POU6F2: variants seen among roughly 807,000 people sequenced by gnomAD.
POU6F2 encodes the protein POU class 6 homeobox 2, also known as POU domain, class 6, transcription factor 2.
In POU6F2, 31 loss-of-function variants were observed where a neutral mutation model predicts 71.3. The observed-to-expected ratio is 0.43, with a 90% CI of 0.33 to 0.59. The LOEUF (loss-of-function observed/expected upper bound fraction) is 0.59. Among genes scored for constraint, POU6F2 ranks in the 20% least tolerant of loss-of-function variants. The pLI is 0.04. For synonymous variants in POU6F2, 347 were observed against 355.7 expected, an observed-to-expected ratio of 0.98 and a Z score of 0.27; for missense variants, 783 against 856.8, an observed-to-expected ratio of 0.91 and a Z score of 1.07.
chr7:39,086,625 C>T (rs1791250909), intron 2 of POU6F2, among the ~76,000 whole-genome samples: 1 of 152,054 alleles, frequency 6.6e-6, no homozygotes, highest in African/African-American at 2.4e-5. Context: ...CCTCCTCTAC[C>T]CCTCTCCTTT....
chr7:39,120,358 G>C (rs1045724478), intron 2 of POU6F2, among the ~76,000 whole-genome samples: 1 of 152,032 alleles, frequency 6.6e-6, no homozygotes. Context: ...ATTATTTAAA[G>C]CACAGGAATA....
intron 4 of POU6F2, among the ~76,000 whole-genome samples, chr7:39,236,435 G>T (rs1794678586): frequency 6.6e-6 from 1 of 151,760 alleles, no homozygotes; most frequent in South Asian, 2.1e-4. Flanking sequence ...TCTCATCTTT[G>T]TGGTTTGAAA....
chr7:39,047,470 T>G (rs1204010589), intron 1 of POU6F2, among the ~76,000 whole-genome samples: 1 of 151,918 alleles, frequency 6.6e-6, no homozygotes, highest in Non-Finnish European at 1.5e-5. Context: ...TATGTTACTA[T>G]TGTGAATGGA....
intron 5 of POU6F2, among the ~76,000 whole-genome samples, chr7:39,350,500 T>G (rs1195161544): frequency 6.6e-6 from 1 of 152,172 alleles, no homozygotes; most frequent in East Asian, 1.9e-4. Flanking sequence ...CTTAGAGCAG[T>G]TCTCACCTCC....
intron 4 of POU6F2, among the ~76,000 whole-genome samples, chr7:39,276,967 G>C (rs1483998269): frequency 6.6e-6 from 1 of 151,736 alleles, no homozygotes; most frequent in Non-Finnish European, 1.5e-5. Context: ...ACGAGTTAAT[G>C]GGTGCAGCAC....
At chr7:39,007,415 T>C (rs1789105093) in intron 1 of POU6F2, among the ~76,000 whole-genome samples, 1 of 152,198 alleles carries the variant, frequency 6.6e-6, no homozygotes, top group African/African-American at 2.4e-5. Context: ...GTGGAATGTA[T>C]TCTGTCTTGA....
intron 7 of POU6F2, among the ~76,000 whole-genome samples, chr7:39,445,371 A>G (rs928419847): frequency 6.6e-6 from 1 of 152,202 alleles, no homozygotes; most frequent in Non-Finnish European, 1.5e-5. Context: ...CCTTCCAGTC[A>G]TGTATCTGGA....
At chr7:39,170,923 AT>A (rs1434572528) in intron 2 of POU6F2, among the ~76,000 whole-genome samples, 1 of 151,954 alleles carries the variant, frequency 6.6e-6, no homozygotes, top group African/African-American at 2.4e-5. Flanking sequence ...ACAAAAAAAA[AT>A]CACATGTAAC....
intron 5 of POU6F2, among the ~76,000 whole-genome samples, chr7:39,352,645 T>C (rs1386541397): frequency 1.3e-5 from 2 of 152,182 alleles, no homozygotes; most frequent in South Asian, 2.1e-4. Flanking sequence ...TCCAGTGATA[T>C]GTTTGTTTTC....
At chr7:39,015,972 A>G (rs1455076720) in intron 1 of POU6F2, among the ~76,000 whole-genome samples, 6 of 82,244 alleles carry the variant, frequency 7.3e-5, no homozygotes, top group African/African-American at 1.0e-4. Context: ...ATTGATATAT[A>G]TTATATATAG....
chr7:39,225,637 A>G (rs1037526971), intron 4 of POU6F2, among the ~76,000 whole-genome samples: 4 of 152,224 alleles, frequency 2.6e-5, no homozygotes, highest in African/African-American at 4.8e-5. Context: ...ATGAAGGGAA[A>G]AATTCCACAT....
chr7:39,234,888 C>T (rs969418859), intron 4 of POU6F2, among the ~76,000 whole-genome samples: 1 of 152,134 alleles, frequency 6.6e-6, no homozygotes, highest in Non-Finnish European at 1.5e-5. Context: ...ATTCTTTTGC[C>T]AGACTGCTAA....
intron 4 of POU6F2, among the ~76,000 whole-genome samples, chr7:39,210,597 A>G (rs1291346525): frequency 6.6e-6 from 1 of 152,168 alleles, no homozygotes. Context: ...AGCACTCATG[A>G]CATGCTGTTA....
chr7:39,267,206 G>T (rs183820207), intron 4 of POU6F2, among the ~76,000 whole-genome samples: 162 of 152,262 alleles, frequency 1.1e-3, no homozygotes, highest in African/African-American at 3.7e-3. Flanking sequence ...GGAGGCTGTG[G>T]AATAGGAAAG....
chr7:39,298,538 C>T (rs1275846657), intron 4 of POU6F2, among the ~76,000 whole-genome samples: 1 of 152,252 alleles, frequency 6.6e-6, no homozygotes, highest in East Asian at 1.9e-4. Flanking sequence ...GAAATAGGAA[C>T]ACTTTTACAC....
rs746584150 is a variant in POU6F2, at chr7:39,283,663, A to C, written c.599-55979A>C. Among the ~76,000 whole-genome samples the C allele has an allele frequency of 5.3e-5, 8 of 152,342 alleles. No individual in the cohort carries two copies. In the East Asian group the frequency reaches 1.2e-3, roughly 22 times the overall value. On this transcript the variant is annotated intron_variant, in intron 4 of 9. Transcript: ENST00000518318. ...TACACAGCATTTTCTATATCCATTC[A>C]TCTGCTGATGAACACTTGGGTTGTT...
chr7:39,130,066 C>CAAAAAA (rs572365688), intron 2 of POU6F2, among the ~76,000 whole-genome samples: 1 of 44,546 alleles, frequency 2.2e-5, no homozygotes, highest in African/African-American at 7.2e-5. Context: ...GACTCCATCT[C>CAAAAAA]AAAAAAAAAA....
At chr7:39,369,067 A>G (rs1786559045) in intron 5 of POU6F2, among the ~76,000 whole-genome samples, 2 of 152,196 alleles carry the variant, frequency 1.3e-5, no homozygotes, top group Non-Finnish European at 2.9e-5. Flanking sequence ...TTTCTCAAGG[A>G]TAAGTGAAGA....
intron 1 of POU6F2, among the ~76,000 whole-genome samples, chr7:39,066,084 T>C (rs1458757446): frequency 6.6e-6 from 1 of 151,786 alleles, no homozygotes; most frequent in African/African-American, 2.4e-5. Flanking sequence ...TAACTCAGAA[T>C]ATTCCTGGAT....
Sources: allele counts gnomAD v4.1 joint callset (sites outside exome capture counted in the v4.1 genomes callset), GRCh38; gene constraint gnomAD v4.1.1; transcripts MANE v1.5; gene names NCBI Gene and HGNC (gene_info 2026-07-23, HGNC 2026-07-21).